SLC4A4: variants seen among roughly 807,000 people sequenced by gnomAD.
The protein encoded by SLC4A4 is solute carrier family 4 member 4.
Under a neutral mutation model 111.5 loss-of-function variants are expected in SLC4A4, and 27 were observed. The ratio of observed to expected loss-of-function variants is 0.24; its 90% confidence interval spans 0.18 to 0.33. The LOEUF (loss-of-function observed/expected upper bound fraction) is 0.33. Among genes scored for constraint, SLC4A4 ranks in the 10% least tolerant of loss-of-function variants. The probability of loss-of-function intolerance (pLI) is 1.00; values close to 1 mark genes in which losing one functional copy is unlikely to be tolerated. For synonymous variants in SLC4A4, 443 were observed against 463.4 expected (o/e 0.96, Z 0.57); for missense variants, 909 against 1,315.5 (o/e 0.69, Z 4.78).
chr4:71,250,468 G>A (rs941680397), intron 2 of SLC4A4, among the ~76,000 whole-genome samples: 1 of 152,180 alleles, frequency 6.6e-6, no homozygotes, highest in Non-Finnish European at 1.5e-5. Flanking sequence ...TGGATGGTGG[G>A]AGGTGGGGAA....
intron 6 of SLC4A4, among the ~76,000 whole-genome samples, chr4:71,361,379 CATTTTTTATCTGT>C (rs1286181050): frequency 6.6e-6 from 1 of 152,228 alleles, no homozygotes; most frequent in South Asian, 2.1e-4. Context: ...GAGCAAAAAA[CATTTTTTATCTGT>C]AATAAATCAG....
chr4:71,555,450 C>G (rs1036672322), intron 21 of SLC4A4, among the ~76,000 whole-genome samples: 3 of 151,928 alleles, frequency 2.0e-5, no homozygotes, highest in Admixed American at 6.6e-5. Flanking sequence ...GTCATTTAAC[C>G]AAGAAAGCAA....
At chr4:71,071,279 A>AC (rs1305944897) in intron 1 of SLC4A4, among the ~76,000 whole-genome samples, 4 of 151,548 alleles carry the variant, frequency 2.6e-5, no homozygotes, top group Non-Finnish European at 5.9e-5. Flanking sequence ...AAAAAAAAAA[A>AC]AAGGAAAGAA....
intron 3 of SLC4A4, among the ~76,000 whole-genome samples, chr4:71,321,636 G>T (rs1727129188): frequency 6.6e-6 from 1 of 151,914 alleles, no homozygotes; most frequent in African/African-American, 2.4e-5. Context: ...GGCCTGCTTG[G>T]AGTGTCATAA....
intron 3 of SLC4A4, among the ~76,000 whole-genome samples, chr4:71,320,427 A>G (rs1320233168): frequency 6.6e-6 from 1 of 151,918 alleles, no homozygotes; most frequent in African/African-American, 2.4e-5. Flanking sequence ...TCAGGCCCAG[A>G]GCACCTTCCA....
intron 23 of SLC4A4, 111 bp from the exon 24 acceptor site, chr4:71,563,682 T>C: frequency 2.6e-6 from 2 of 758,574 alleles, no homozygotes; most frequent in African/African-American, 3.5e-5. Flanking sequence ...ATAAGGCTTT[T>C]CTCCTTAGTA....
At chr4:71,183,917 A>T (rs775522106), upstream of SLC4A4, among the ~76,000 whole-genome samples, 2 of 152,242 alleles carry the variant, frequency 1.3e-5, no homozygotes, top group South Asian at 2.1e-4. Flanking sequence ...TTAGGCCCCA[A>T]TATGAAATGC....
chr4:71,513,241 A>G (rs1036773180), intron 16 of SLC4A4, among the ~76,000 whole-genome samples: 1 of 152,014 alleles, frequency 6.6e-6, no homozygotes, highest in Non-Finnish European at 1.5e-5. Flanking sequence ...TGGTCATTTT[A>G]ATGGTATTAA....
At chr4:71,077,190 T>C (rs1741858360) in intron 1 of SLC4A4, among the ~76,000 whole-genome samples, 3 of 151,038 alleles carry the variant, frequency 2.0e-5, no homozygotes, top group African/African-American at 4.9e-5. Context: ...AGACGGAGTC[T>C]CGCTCTGTCA....
chr4:71,235,472 A>T (rs1719738120), intron 1 of SLC4A4, among the ~76,000 whole-genome samples: 1 of 152,234 alleles, frequency 6.6e-6, no homozygotes, highest in Admixed American at 6.5e-5. Context: ...GGCAGGGCTC[A>T]TGTACGGTAT....
intron 16 of SLC4A4, among the ~76,000 whole-genome samples, chr4:71,508,705 A>G (rs954755061): frequency 6.6e-6 from 1 of 152,210 alleles, no homozygotes. Flanking sequence ...TATCATTTCT[A>G]CTGAAACTAT....
chr4:71,383,256 T>A (rs1254248411), intron 6 of SLC4A4, among the ~76,000 whole-genome samples: 1 of 152,168 alleles, frequency 6.6e-6, no homozygotes, highest in African/African-American at 2.4e-5. Flanking sequence ...ACTTTCTATA[T>A]CCGTGATGTA....
intron 3 of SLC4A4, among the ~76,000 whole-genome samples, chr4:71,318,578 G>C (rs1299144925): frequency 2.0e-5 from 3 of 151,984 alleles, no homozygotes; most frequent in Non-Finnish European, 4.4e-5. Flanking sequence ...ATTAGAAATT[G>C]ACTTTCAGAA....
At chr4:71,348,313 TCACACACACACACACACACACACA>T (rs35326504) in intron 4 of SLC4A4, among the ~76,000 whole-genome samples, 3 of 143,728 alleles carry the variant, frequency 2.1e-5, no homozygotes, top group Admixed American at 1.4e-4. Flanking sequence ...ACTAATTTAG[TCACACACACACACACACACACACA>T]CACACACACA....
At chr4:71,148,359 G>T (rs560949020) in intron 2 of SLC4A4, among the ~76,000 whole-genome samples, 1 of 152,152 alleles carries the variant, frequency 6.6e-6, no homozygotes, top group African/African-American at 2.4e-5. Flanking sequence ...AAAAGAAACT[G>T]GATCTCCAAA....
intron 2 of SLC4A4, among the ~76,000 whole-genome samples, chr4:71,116,225 C>A (rs545654634): frequency 2.0e-5 from 3 of 152,280 alleles, no homozygotes; most frequent in African/African-American, 7.2e-5. Flanking sequence ...ATAAACCAAA[C>A]AATCCCAGTA....
intron 2 of SLC4A4, among the ~76,000 whole-genome samples, chr4:71,101,195 C>T (rs1742721807): frequency 6.6e-6 from 1 of 152,086 alleles, no homozygotes; most frequent in African/African-American, 2.4e-5. Flanking sequence ...AGAAGTGGAG[C>T]TTGCAGTGAG....
chr4:71,493,517 C>T (rs1730122143), intron 15 of SLC4A4, among the ~76,000 whole-genome samples: 1 of 151,952 alleles, frequency 6.6e-6, no homozygotes, highest in Non-Finnish European at 1.5e-5. Flanking sequence ...TCTTGCTCTG[C>T]TCTTTTCTTT....
At chr4:71,096,572 C>CA (rs1162396993) in intron 2 of SLC4A4, among the ~76,000 whole-genome samples, 13 of 152,014 alleles carry the variant, frequency 8.6e-5, no homozygotes, top group Admixed American at 4.6e-4. Context: ...ATCGTTAGTG[C>CA]AAAAAATCCA....
Sources: gnomAD v4.1 joint callset for allele counts (sites outside exome capture counted in the v4.1 genomes callset) on GRCh38, gnomAD v4.1.1 for gene constraint, MANE v1.5 for transcripts, NCBI Gene and HGNC (gene_info 2026-07-23, HGNC 2026-07-21) for gene names.